RALGDS: variants seen among roughly 807,000 people sequenced by gnomAD.
RALGDS encodes the protein ral guanine nucleotide exchange factor.
A neutral mutation model predicts 99.8 loss-of-function variants in RALGDS; 44 were observed. The ratio of observed to expected loss-of-function variants is 0.44; its 90% CI spans 0.35 to 0.57. The LOEUF is 0.57. Among genes scored for constraint, RALGDS ranks in the 20% least tolerant of loss-of-function variants. RALGDS has a pLI of 0.01. For synonymous variants in RALGDS, 529 were observed against 505.0 expected (o/e 1.05, Z -0.64); for missense variants, 1,022 against 1,203.1 (o/e 0.85, Z 2.23).
chr9:133,136,957 G>C (rs1832437186), intron 1 of RALGDS, among the ~76,000 whole-genome samples: 1 of 150,592 alleles, frequency 6.6e-6, no homozygotes, highest in Non-Finnish European at 1.5e-5. Flanking sequence ...AAACAAGGCT[G>C]GGCGTGGTGG....
upstream of RALGDS, chr9:133,131,229 A>T: frequency 4.3e-6 from 4 of 938,104 alleles, no homozygotes; most frequent in Non-Finnish European, 5.1e-6. Flanking sequence ...AGGGCCTGGG[A>T]GCTCTGCCAC....
At chr9:133,116,909 C>A (rs2119196498) in intron 1 of RALGDS, among the ~76,000 whole-genome samples, 1 of 152,360 alleles carries the variant, frequency 6.6e-6, no homozygotes, top group South Asian at 2.1e-4. Context: ...CCTTGTGGCA[C>A]AGATGTGGAG....
intron 3 of RALGDS, 22 bp from the exon 4 acceptor site, chr9:133,109,743 ACT>A: frequency 1.3e-6 from 2 of 1,597,520 alleles, no homozygotes; most frequent in Non-Finnish European, 1.7e-6. Flanking sequence ...GTCTAGTGTT[ACT>A]GTCTGACTCT....
At chr9:133,121,354 G>C, upstream of RALGDS, 1 of 447,270 alleles carries the variant, frequency 2.2e-6, no homozygotes, top group Non-Finnish European at 3.0e-6. Flanking sequence ...GTGCGTGCGC[G>C]CGCCCGCGGC....
intron 16 of RALGDS, chr9:133,100,742 C>G (rs1416808796): frequency 8.5e-7 from 1 of 1,175,070 alleles, no homozygotes; most frequent in South Asian, 1.8e-5. Flanking sequence ...CTAGTCCAAG[C>G]CCTGGAGGTA....
rs1290776363 is a variant in RALGDS, at chr9:133,102,552, G to A, written c.1933C>T (p.Leu645=). The change falls in exon 14 of 18, where the codon CTG becomes TTG. Residue 645 remains leucine, a synonymous_variant. Coordinates refer to ENST00000372050, the MANE Select transcript of RALGDS (RefSeq NM_006266.4). The stretch of plus-strand genomic sequence containing the variant: ...CTGGCTGACTCGGATGGGGGCTCCA[G>A]CTCGCACGACAGGTTGTAGCTATGA... The part of the protein sequence containing the change: ...ETESYNLSCE[L]EPPSESASNT... 4.3e-6 allele frequency: 7 copies of A among 1,614,044 alleles called. No homozygotes were observed. The highest frequency in any genetic ancestry group is 5.9e-6 in the Non-Finnish European group (7 of 1,180,006).
intron 6 of RALGDS, among the ~76,000 whole-genome samples, chr9:133,107,588 G>A (rs1029345709): frequency 3.3e-5 from 5 of 152,116 alleles, no homozygotes; most frequent in African/African-American, 4.8e-5. Flanking sequence ...TGCTGTGGGC[G>A]CTACAACTAA....
intron 1 of RALGDS, among the ~76,000 whole-genome samples, chr9:133,138,870 G>C (rs943238287): frequency 2.0e-5 from 3 of 152,156 alleles, no homozygotes; most frequent in Admixed American, 1.3e-4. Flanking sequence ...CCTGACCTCA[G>C]GTGATCCACC....
chr9:133,116,092 G>A (rs936889068), intron 1 of RALGDS, among the ~76,000 whole-genome samples: 6 of 152,148 alleles, frequency 3.9e-5, no homozygotes, highest in Admixed American at 1.3e-4. Context: ...TCATGAGCTC[G>A]GACCATGAGC....
intron 1 of RALGDS, among the ~76,000 whole-genome samples, chr9:133,140,115 AGGGGT>A (rs1013196787): frequency 1.4e-5 from 1 of 73,974 alleles, no homozygotes; most frequent in Non-Finnish European, 2.6e-5. Flanking sequence ...ATAGCCCAGC[AGGGGT>A]GGGGTGGGGT....
rs1564231807 is a variant in RALGDS, at chr9:133,105,816, G to GC, written c.1602+115dup. On this transcript the variant is annotated intron_variant, in intron 9 of 17. Coordinates refer to ENST00000372050, the MANE Select transcript of RALGDS (RefSeq NM_006266.4). Reference sequence around the variant, plus strand: ...CAGCAAGAAGCGAATGCCACCGCCCGCCGCCCCAGCCCCCGCCCCAGCCCC... The same window carrying GC: ...CAGCAAGAAGCGAATGCCACCGCCCGCCCGCCCCAGCCCCCGCCCCAGCCCC... 2.3e-4 allele frequency: 61 copies of GC among 267,014 alleles called. 1 individual carries two copies. Among genetic ancestry groups the GC allele is most frequent in the South Asian group, 3.5e-4 (11 of 31,876 alleles). The allele number at this position is 267,014 out of a possible 1,614,324, so 16.5% of individuals were successfully genotyped here. A position where few individuals can be genotyped will look rare whatever the true frequency, so the allele number is the denominator to read the frequency against.
intron 1 of RALGDS, among the ~76,000 whole-genome samples, chr9:133,116,904 T>G (rs1190770344): frequency 6.6e-6 from 1 of 152,206 alleles, no homozygotes; most frequent in African/African-American, 2.4e-5. Context: ...CAGCCCCTTG[T>G]GGCACAGATG....
chr9:133,107,933 G>C (rs1448556073), intron 6 of RALGDS, 55 bp downstream of exon 6: 4 of 1,595,860 alleles, frequency 2.5e-6, no homozygotes, highest in Non-Finnish European at 3.4e-6. Context: ...GTCTGGGACA[G>C]CAGATGCTGC....
chr9:133,101,374 A>C (rs768775800), intron 16 of RALGDS, 146 bp downstream of exon 16: 1 of 1,541,606 alleles, frequency 6.5e-7, no homozygotes, highest in South Asian at 1.1e-5. Context: ...CCTGATCACT[A>C]CCTTCTTCAT....
intron 1 of RALGDS, 106 bp downstream of exon 1, chr9:133,120,866 G>A (rs1426604173): frequency 1.4e-5 from 17 of 1,237,000 alleles, no homozygotes; most frequent in Non-Finnish European, 1.7e-5. Context: ...GAGGCGGCCC[G>A]CTGGGATCGC....
chr9:133,120,085 G>A (rs1455139849), intron 1 of RALGDS, among the ~76,000 whole-genome samples: 1 of 152,170 alleles, frequency 6.6e-6, no homozygotes, highest in Non-Finnish European at 1.5e-5. Context: ...TGCAGGCCCT[G>A]TGCCCAGGCA....
At position 133,140,540 on chromosome 9, in the gene RALGDS, A is replaced by G. The variant is rs896132164; in HGVS notation, c.18+8423T>C. Among the ~76,000 whole-genome samples, 8 of 152,266 alleles carry G rather than the reference A, an allele frequency of 5.3e-5. 1 individual carries two copies. In the South Asian group the frequency reaches 1.7e-3, roughly 32 times the overall value. On this transcript the variant is annotated intron_variant, in intron 1 of 17. Transcript: ENST00000393160. ...GCCCTTTCTGGACCCTAACCTAGAA[A>G]GAGGGAAGGACTGGGGTGCCCTCCA...
exon 1 of RALGDS, chr9:133,131,034 G>T (rs551828401): frequency 5.2e-6 from 8 of 1,533,378 alleles, no homozygotes; most frequent in South Asian, 1.2e-5. Flanking sequence ...CAGCAGAGGC[G>T]GGGAGGAGAG....
chr9:133,146,340 G>A (rs775398907), intron 1 of RALGDS, among the ~76,000 whole-genome samples: 16 of 152,092 alleles, frequency 1.1e-4, no homozygotes, highest in Non-Finnish European at 1.9e-4. Context: ...GGCACCTGCC[G>A]AGACACCCAG....
Sources: allele counts gnomAD v4.1 joint callset (sites outside exome capture counted in the v4.1 genomes callset), GRCh38; gene constraint gnomAD v4.1.1; transcripts MANE v1.5; gene names NCBI Gene and HGNC (gene_info 2026-07-23, HGNC 2026-07-21).